SPECC1: variants seen among roughly 807,000 people sequenced by gnomAD.
The protein encoded by SPECC1 is cytospin-B.
SPECC1 carries 62 observed loss-of-function variants against 104.1 expected under a neutral mutation model. The ratio of observed to expected loss-of-function variants is 0.60; its 90% CI spans 0.49 to 0.74. The LOEUF (loss-of-function observed/expected upper bound fraction) is 0.74. SPECC1 is among the 30% of genes least tolerant of loss of function. SPECC1 has a pLI of 0.00. For missense variants in SPECC1, 1,306 were observed against 1,310.5 expected (o/e 1.00, Z 0.05); for synonymous variants, 513 against 501.6 (o/e 1.02, Z -0.30).
chr17:20,243,974 T>C (rs1449855918), intron 7 of SPECC1, among the ~76,000 whole-genome samples: 1 of 152,044 alleles, frequency 6.6e-6, no homozygotes, highest in Non-Finnish European at 1.5e-5. Flanking sequence ...CCTGGCACTT[T>C]GGGAGGCCAA....
At chr17:20,310,204 G>A (rs1360003818) in intron 14 of SPECC1, among the ~76,000 whole-genome samples, 4 of 152,178 alleles carry the variant, frequency 2.6e-5, no homozygotes, top group Non-Finnish European at 5.9e-5. Context: ...GAACATAAGT[G>A]TGCATGTGTT....
At chr17:20,288,245 G>A (rs534558860) in intron 12 of SPECC1, among the ~76,000 whole-genome samples, 11 of 152,256 alleles carry the variant, frequency 7.2e-5, no homozygotes, top group African/African-American at 2.6e-4. Flanking sequence ...TGGTGCTGCA[G>A]TGGACATAAC....
chr17:20,161,065 G>A lies in SPECC1; in HGVS notation c.284-43268G>A, dbSNP rs140372436. On this transcript the variant is annotated intron_variant, in intron 3 of 14. Transcript: ENST00000395527. The stretch of plus-strand genomic sequence containing the variant: ...GTCTCTACTAAAAATACAAAAATTA[G>A]TCGAGTGCGGTGGTGGGCACCTGTA... Among the ~76,000 whole-genome samples the A allele has an allele frequency of 6.7e-3, 1,020 of 152,288 alleles. 10 individuals carry two copies. Among genetic ancestry groups the A allele is most frequent in the African/African-American group, 0.023 (962 of 41,556 alleles).
In SPECC1 at chr17:20,287,411, G is replaced by A. The variant is rs569923547; in HGVS notation, c.2941-9550G>A. 5.6e-5 allele frequency among the ~76,000 whole-genome samples: 7 copies of A among 124,578 alleles called. No homozygotes were observed. The East Asian group carries it at 1.1e-3, about 20-fold the overall frequency. 81.7% of individuals were successfully genotyped at this position (124,578 alleles called of 152,430 possible). A position where few individuals can be genotyped will look rare whatever the true frequency, so the allele number is the denominator to read the frequency against. On this transcript the variant is annotated intron_variant, in intron 12 of 14. Coordinates refer to ENST00000395527, the MANE Select transcript of SPECC1 (RefSeq NM_001243439.2). ...CGCAGTCCGGCCTGGGCGACAGAGC[G>A]AGACTCCGTCTCAAAAAAAAAAAAA...
chr17:20,119,070 A>G (rs1385910197), intron 3 of SPECC1, among the ~76,000 whole-genome samples: 2 of 152,218 alleles, frequency 1.3e-5, no homozygotes, highest in East Asian at 1.9e-4. Context: ...TGATGTTGGG[A>G]AAAAGGTCTG....
At chr17:20,076,456 T>C (rs964017263) in intron 1 of SPECC1, among the ~76,000 whole-genome samples, 1 of 152,196 alleles carries the variant, frequency 6.6e-6, no homozygotes, top group African/African-American at 2.4e-5. Flanking sequence ...TGCCTTGGCC[T>C]CCTAAAGTGC....
At chr17:20,156,414 C>T (rs557706265) in intron 3 of SPECC1, among the ~76,000 whole-genome samples, 138 of 152,272 alleles carry the variant, frequency 9.1e-4, no homozygotes, top group Middle Eastern at 6.8e-3. Context: ...CCTGTGCCGA[C>T]GCCGCGACCA....
Position 20,314,203 on chromosome 17 carries a change from A to G in SPECC1, c.*138A>G, listed in dbSNP as rs2042003406. On this transcript the variant is annotated 3_prime_UTR_variant, in exon 15 of 15. Transcript: ENST00000395527. The stretch of plus-strand genomic sequence containing the variant: ...AAGACAGGCTCAATCCAAGTGGACC[A>G]ACACCCAAATAAGAAACAGAGTGGG... 2 of 702,036 alleles carry G rather than the reference A, an allele frequency of 2.8e-6. No individual in the cohort carries two copies. Among genetic ancestry groups the G allele is most frequent in the Admixed American group, 4.4e-5 (2 of 45,166 alleles). The allele number at this position is 702,036 out of a possible 1,614,324, so 43.5% of individuals were successfully genotyped here.
At chr17:20,182,277 C>T (rs764651216) in intron 3 of SPECC1, among the ~76,000 whole-genome samples, 1 of 151,852 alleles carries the variant, frequency 6.6e-6, no homozygotes, top group Non-Finnish European at 1.5e-5. Context: ...CCATGTCCCG[C>T]TAAACTTTTT....
chr17:20,260,277 A>G lies in SPECC1; in HGVS notation c.2923A>G (p.Lys975Glu). 6.2e-7 allele frequency: 1 copy of G among 1,613,976 alleles called. No homozygotes were observed. Among genetic ancestry groups the G allele is most frequent in the East Asian group, 2.2e-5 (1 of 44,862 alleles). The change falls in exon 12 of 15, where the codon AAG (lysine) becomes GAG (glutamate). Residue 975 changes from lysine to glutamate, a missense_variant. Lys to Glu is a moderately conservative substitution (Grantham distance 56, BLOSUM62 1). This residue lies in a region of SPECC1 where 129 missense variants were observed against 170.6 expected (regional missense o/e 0.76). Coordinates refer to ENST00000395527, the MANE Select transcript of SPECC1 (RefSeq NM_001243439.2). ...RNALLKWCQK[K>E]TQGYANIDIT... is the part of the protein sequence containing the mutation. ...TGCTCTACTGAAATGGTGCCAGAAG[A>G]AGACACAAGGTTATGCGGTAAGGGA...
chr17:20,298,135 TGAGTTCAG>T (rs906922844), intron 13 of SPECC1, among the ~76,000 whole-genome samples: 44 of 152,146 alleles, frequency 2.9e-4, no homozygotes, highest in African/African-American at 1.1e-3. Context: ...GTGGATCACT[TGAGTTCAG>T]GAGTTCAAGA....
chr17:20,107,501 G>A (rs1382668372), intron 2 of SPECC1, among the ~76,000 whole-genome samples: 1 of 147,756 alleles, frequency 6.8e-6, no homozygotes, highest in South Asian at 2.2e-4. Flanking sequence ...CTGTTTGCCA[G>A]TATAGAGTGC....
intron 3 of SPECC1, among the ~76,000 whole-genome samples, chr17:20,167,844 T>C (rs1469008872): frequency 6.6e-6 from 1 of 152,230 alleles, no homozygotes; most frequent in Non-Finnish European, 1.5e-5. Flanking sequence ...TAATAAGATA[T>C]GTACAGATGA....
intron 3 of SPECC1, among the ~76,000 whole-genome samples, chr17:20,119,278 T>C (rs2048910648): frequency 6.6e-6 from 1 of 152,240 alleles, no homozygotes; most frequent in Admixed American, 6.5e-5. Context: ...AGTTTCGCTC[T>C]TGTTGCCCAG....
intron 3 of SPECC1, among the ~76,000 whole-genome samples, chr17:20,133,162 AAGTTTG>A (rs1354548293): frequency 1.3e-5 from 2 of 151,600 alleles, no homozygotes; most frequent in African/African-American, 4.9e-5. Context: ...TTTTTGTCAG[AAGTTTG>A]TCAATTTTAT....
At chr17:20,260,753 A>T (rs1213324036) in intron 12 of SPECC1, among the ~76,000 whole-genome samples, 3 of 152,194 alleles carry the variant, frequency 2.0e-5, no homozygotes, top group Admixed American at 2.0e-4. Context: ...ATGAGCTGGT[A>T]GGGATTTTTT....
intron 3 of SPECC1, among the ~76,000 whole-genome samples, chr17:20,201,630 T>C (rs1203034372): frequency 6.6e-6 from 1 of 152,286 alleles, no homozygotes; most frequent in African/African-American, 2.4e-5. Context: ...TTCCAGTTTT[T>C]AATACGGTCC....
At chr17:20,230,165 A>G (rs1412672627) in intron 5 of SPECC1, among the ~76,000 whole-genome samples, 1 of 152,162 alleles carries the variant, frequency 6.6e-6, no homozygotes, top group East Asian at 1.9e-4. Flanking sequence ...AGTTGATGAG[A>G]ATGTTGTGAC....
chr17:20,064,622 A>G (rs35156798), intron 1 of SPECC1, among the ~76,000 whole-genome samples: 43,904 of 152,024 alleles, frequency 0.29, 6,854 homozygotes, highest in Middle Eastern at 0.43. Context: ...AGGTCATGCT[A>G]CATGACCTTC....
Sources: allele counts gnomAD v4.1 joint callset (sites outside exome capture counted in the v4.1 genomes callset), GRCh38; gene constraint gnomAD v4.1.1; regional missense constraint gnomAD v4.1.1; transcripts MANE v1.5; gene names NCBI Gene and HGNC (gene_info 2026-07-23, HGNC 2026-07-21).